BICRAL: variants seen among roughly 807,000 people sequenced by gnomAD.
BICRAL encodes the protein BRD4-interacting chromatin-remodeling complex-associated protein-like.
BICRAL carries 8 observed loss-of-function variants against 91.8 expected under a neutral mutation model. That is an observed-to-expected ratio of 0.09 (90% CI 0.05 to 0.16). The LOEUF is 0.16. BICRAL is among the 10% of genes least tolerant of loss of function. The probability of loss-of-function intolerance (pLI) is 1.00; values close to 1 mark genes in which losing one functional copy is unlikely to be tolerated. For missense variants in BICRAL, 1,038 were observed against 1,310.9 expected (o/e 0.79, Z 3.21); for synonymous variants, 445 against 491.1 (o/e 0.91, Z 1.24).
chr6:42,845,560 TCA>T (rs1428166938), intron 6 of BICRAL, among the ~76,000 whole-genome samples: 1 of 151,950 alleles, frequency 6.6e-6, no homozygotes, highest in Admixed American at 6.6e-5. Context: ...GGGCAAGAAT[TCA>T]GGTTCTCTGC....
At chr6:42,767,180 G>C (rs552953447) in intron 1 of BICRAL, among the ~76,000 whole-genome samples, 11 of 152,194 alleles carry the variant, frequency 7.2e-5, no homozygotes, top group Non-Finnish European at 1.5e-4. Context: ...GAAAAGAGGA[G>C]AGAGGAATGT....
intron 6 of BICRAL, among the ~76,000 whole-genome samples, chr6:42,830,906 C>T (rs893588344): frequency 4.6e-5 from 7 of 152,298 alleles, no homozygotes; most frequent in South Asian, 2.1e-4. Context: ...CCACCACACC[C>T]GACCTTTTTT....
At position 42,834,011 on chromosome 6, in the gene BICRAL, C is replaced by T. The variant is rs181864789; in HGVS notation, c.1839+3839C>T. 5.4e-3 allele frequency among the ~76,000 whole-genome samples: 815 copies of T among 151,950 alleles called. 3 individuals are homozygous for T. The highest frequency in any genetic ancestry group is 8.8e-3 in the Non-Finnish European group (595 of 67,968). On this transcript the variant is annotated intron_variant, in intron 6 of 12. Coordinates refer to ENST00000314073, the MANE Select transcript of BICRAL (RefSeq NM_001393499.1). The stretch of plus-strand genomic sequence containing the variant: ...CTGGGATTACAGGCATGTACCACCA[C>T]GCCCAGCTAATTTTGTATTTTTGGT...
chr6:42,827,860 G>A (rs947660806), intron 5 of BICRAL, among the ~76,000 whole-genome samples: 1 of 152,094 alleles, frequency 6.6e-6, no homozygotes, highest in African/African-American at 2.4e-5. Flanking sequence ...ACTCCAGCCT[G>A]GGCAAAAGAT....
intron 6 of BICRAL, among the ~76,000 whole-genome samples, chr6:42,841,245 G>A (rs1168002122): frequency 7.1e-6 from 1 of 140,300 alleles, no homozygotes; most frequent in Admixed American, 7.4e-5. Flanking sequence ...CTGGAGTGCA[G>A]TGGCACGATC....
intron 1 of BICRAL, among the ~76,000 whole-genome samples, chr6:42,753,785 T>C (rs1424808521): frequency 6.6e-6 from 1 of 152,122 alleles, no homozygotes; most frequent in East Asian, 1.9e-4. Context: ...CTAATTTTTG[T>C]ATTTTTAGTA....
At chr6:42,785,910 C>T (rs373757695) in intron 1 of BICRAL, among the ~76,000 whole-genome samples, 6 of 152,222 alleles carry the variant, frequency 3.9e-5, no homozygotes, top group African/African-American at 1.4e-4. Context: ...AAAAATTAGC[C>T]GGGCTTGGTG....
chr6:42,787,575 T>G (rs1163129977), intron 1 of BICRAL, among the ~76,000 whole-genome samples: 1 of 151,800 alleles, frequency 6.6e-6, no homozygotes, highest in Admixed American at 6.6e-5. Flanking sequence ...CGGCTAAAGC[T>G]TGGGCAAAGG....
At chr6:42,827,550 CTA>C (rs1764339734) in intron 5 of BICRAL, among the ~76,000 whole-genome samples, 1 of 152,204 alleles carries the variant, frequency 6.6e-6, no homozygotes, top group Non-Finnish European at 1.5e-5. Context: ...TTATTGGCAA[CTA>C]TTTTTGCATC....
At chr6:42,841,466 C>G (rs1264110919) in intron 6 of BICRAL, among the ~76,000 whole-genome samples, 1 of 152,100 alleles carries the variant, frequency 6.6e-6, no homozygotes, top group Admixed American at 6.6e-5. Context: ...GGATTACAGG[C>G]GTGAGCCACG....
chr6:42,763,811 A>G (rs1562450542), intron 1 of BICRAL, among the ~76,000 whole-genome samples: 1 of 151,288 alleles, frequency 6.6e-6, no homozygotes, highest in Non-Finnish European at 1.5e-5. Context: ...ACAGAGTGAG[A>G]CTCTGTCTCA....
intron 1 of BICRAL, among the ~76,000 whole-genome samples, chr6:42,748,632 G>T (rs1332907614): frequency 6.6e-6 from 1 of 152,172 alleles, no homozygotes; most frequent in African/African-American, 2.4e-5. Flanking sequence ...CAGGTGACCC[G>T]GTGTGTTAGG....
At chr6:42,781,962 C>A (rs1762922839), upstream of BICRAL, 1 of 145,662 alleles carries the variant, frequency 6.9e-6, no homozygotes, top group Non-Finnish European at 1.5e-5. Flanking sequence ...AGAGAGAGAG[C>A]GGAGCGCGTG....
intron 1 of BICRAL, among the ~76,000 whole-genome samples, chr6:42,790,742 G>GA (rs767099085): frequency 2.6e-5 from 4 of 152,060 alleles, no homozygotes; most frequent in African/African-American, 4.8e-5. Context: ...CAAATCTGGG[G>GA]AAAAACGGGT....
chr6:42,755,989 T>A (rs1464732769), intron 1 of BICRAL, among the ~76,000 whole-genome samples: 1 of 152,142 alleles, frequency 6.6e-6, no homozygotes, highest in African/African-American at 2.4e-5. Context: ...ACCTCTTTCT[T>A]CAGGATTTTT....
At chr6:42,796,360 G>A (rs1249001417) in intron 1 of BICRAL, among the ~76,000 whole-genome samples, 1 of 152,182 alleles carries the variant, frequency 6.6e-6, no homozygotes, top group Non-Finnish European at 1.5e-5. Context: ...CCAGTGCAAA[G>A]GGCCTAAGAT....
intron 1 of BICRAL, among the ~76,000 whole-genome samples, chr6:42,747,801 TTTTG>T (rs1193252103): frequency 3.2e-4 from 45 of 142,402 alleles, no homozygotes; most frequent in Non-Finnish European, 1.1e-4. Context: ...TTTTGTTTTA[TTTTG>T]TTTTTTTTTT....
chr6:42,776,176 C>T (rs1762804690), intron 1 of BICRAL, among the ~76,000 whole-genome samples: 1 of 151,906 alleles, frequency 6.6e-6, no homozygotes, highest in Non-Finnish European at 1.5e-5. Context: ...CACCCGCCAC[C>T]ACACCTGGCT....
chr6:42,835,159 C>CACTCTACT (rs748232930), intron 6 of BICRAL, among the ~76,000 whole-genome samples: 1 of 150,358 alleles, frequency 6.7e-6, no homozygotes, highest in Non-Finnish European at 1.5e-5. Context: ...GTCAGAGTCT[C>CACTCTACT]ACTCTACTGC....
Sources: gnomAD v4.1 joint callset for allele counts (sites outside exome capture counted in the v4.1 genomes callset) on GRCh38, gnomAD v4.1.1 for gene constraint, MANE v1.5 for transcripts, NCBI Gene and HGNC (gene_info 2026-07-23, HGNC 2026-07-21) for gene names.